The following ELP4 variants were observed in gnomAD, a reference collection of about 807,000 sequenced individuals.
The protein encoded by ELP4 is elongator acetyltransferase complex subunit 4.
In ELP4, 51 loss-of-function variants were observed where a neutral mutation model predicts 48.9. That is an observed-to-expected ratio of 1.04 (90% CI 0.83 to 1.32). The LOEUF (loss-of-function observed/expected upper bound fraction) is 1.32, where lower values mean the gene tolerates loss of function less well. Ranked by LOEUF, ELP4 falls within the 40% of genes most tolerant of loss-of-function variation. The probability of loss-of-function intolerance (pLI) is 0.00; values close to 1 mark genes in which losing one functional copy is unlikely to be tolerated. For missense variants in ELP4, 519 were observed against 514.6 expected (o/e 1.01, Z -0.08); for synonymous variants, 210 against 189.2 (o/e 1.11, Z -0.90).
At position 31,785,901 on chromosome 11, in the gene ELP4, C is replaced by T. The variant is rs1948582712; in HGVS notation, c.*2377C>T. The T allele has an allele frequency of 5.1e-6, 1 of 195,272 alleles. No individual in the cohort carries two copies. Among genetic ancestry groups the T allele is most frequent in the Admixed American group, 6.1e-5 (1 of 16,470 alleles). The allele number at this position is 195,272 out of a possible 1,614,324, so 12.1% of individuals were successfully genotyped here. The stretch of plus-strand genomic sequence containing the variant: ...ACTCAAAGATATAAATACTTAAGAA[C>T]AATGCCAAACGTAATATCTGAAATG... On this transcript the variant is annotated 3_prime_UTR_variant, in exon 10 of 10. Coordinates refer to ENST00000640961, the MANE Select transcript of ELP4 (RefSeq NM_019040.5).
intron 3 of ELP4, among the ~76,000 whole-genome samples, chr11:31,575,548 G>A (rs992244195): frequency 3.9e-5 from 6 of 152,126 alleles, no homozygotes; most frequent in Admixed American, 2.0e-4. Flanking sequence ...GAGAAAGGTC[G>A]GGTTACCCAC....
At chr11:31,688,789 G>T (rs938152857) in intron 9 of ELP4, among the ~76,000 whole-genome samples, 5 of 152,144 alleles carry the variant, frequency 3.3e-5, no homozygotes, top group Non-Finnish European at 7.4e-5. Context: ...ATAGGAAATT[G>T]TGAGAGTCCC....
intron 9 of ELP4, among the ~76,000 whole-genome samples, chr11:31,679,846 C>T (rs897122403): frequency 2.0e-5 from 3 of 152,170 alleles, no homozygotes; most frequent in East Asian, 1.9e-4. Flanking sequence ...ATTTGGATTA[C>T]GTTGAATTTA....
At chr11:31,695,443 T>C (rs551482010) in intron 9 of ELP4, among the ~76,000 whole-genome samples, 1 of 152,258 alleles carries the variant, frequency 6.6e-6, no homozygotes, top group South Asian at 2.1e-4. Context: ...TGGTTCTGTT[T>C]ATACGATGGA....
intron 3 of ELP4, among the ~76,000 whole-genome samples, chr11:31,554,084 C>T (rs1263895585): frequency 6.6e-6 from 1 of 152,234 alleles, no homozygotes; most frequent in East Asian, 1.9e-4. Flanking sequence ...AGATCTGCCA[C>T]TGTCTCCCAT....
intron 3 of ELP4, among the ~76,000 whole-genome samples, chr11:31,566,417 A>T (rs1957112685): frequency 6.6e-6 from 1 of 152,158 alleles, no homozygotes; most frequent in Admixed American, 6.6e-5. Flanking sequence ...CAAGACTTAA[A>T]AATCACACTA....
intron 9 of ELP4, among the ~76,000 whole-genome samples, chr11:31,694,595 G>A (rs1352411793): frequency 1.1e-4 from 16 of 152,198 alleles, no homozygotes; most frequent in East Asian, 5.8e-4. Context: ...GTCAGGCTGC[G>A]ATATGCCTCT....
intron 3 of ELP4, among the ~76,000 whole-genome samples, chr11:31,547,563 A>G (rs1308789296): frequency 6.6e-6 from 1 of 152,172 alleles, no homozygotes; most frequent in Non-Finnish European, 1.5e-5. Flanking sequence ...AGGTACAAGG[A>G]GGAACTGGTA....
At chr11:31,549,947 G>T (rs1174908535) in intron 3 of ELP4, among the ~76,000 whole-genome samples, 1 of 152,062 alleles carries the variant, frequency 6.6e-6, no homozygotes, top group Non-Finnish European at 1.5e-5. Flanking sequence ...GAGAACACAT[G>T]GACACAGGAA....
chr11:31,633,350 AG>A (rs1229071089), intron 7 of ELP4: 3 of 152,182 alleles, frequency 2.0e-5, no homozygotes, highest in East Asian at 3.9e-4. Flanking sequence ...GCACTTTGGG[AG>A]GCTGAGGCAG....
At chr11:31,554,158 T>C (rs763332262) in intron 3 of ELP4, among the ~76,000 whole-genome samples, 7 of 152,204 alleles carry the variant, frequency 4.6e-5, no homozygotes, top group Admixed American at 1.3e-4. Context: ...TATGGTCAGT[T>C]ATATAATTAT....
In ELP4 at chr11:31,539,681, T is replaced by A; in HGVS notation, c.279T>A (p.Ile93=). 6.2e-7 allele frequency: 1 copy of A among 1,607,574 alleles called. No homozygotes were observed. Among genetic ancestry groups the A allele is most frequent in the Non-Finnish European group, 8.5e-7 (1 of 1,177,108 alleles). ...TTACAGAGGAGGATAAATATAATAT[T>A]TACTCACCTTTGCTCTTCAAGTATT... ...VLLIEEDKYN[I]YSPLLFKYFL... Residue 93 remains isoleucine, a synonymous_variant, in exon 3 of 10, where the codon ATT becomes ATA. Transcript: ENST00000640961.
intron 2 of ELP4, among the ~76,000 whole-genome samples, chr11:31,532,394 A>T (rs1956409646): frequency 6.6e-6 from 1 of 152,222 alleles, no homozygotes; most frequent in South Asian, 2.1e-4. Context: ...TAAAGAAAAG[A>T]TCACTAAGGA....
At chr11:31,733,300 AC>A (rs1287181409) in intron 9 of ELP4, among the ~76,000 whole-genome samples, 11 of 151,946 alleles carry the variant, frequency 7.2e-5, no homozygotes, top group African/African-American at 2.4e-4. Context: ...ACATGGTGAA[AC>A]CCCATCTCTA....
At chr11:31,716,017 T>C (rs1946836105) in intron 9 of ELP4, among the ~76,000 whole-genome samples, 1 of 152,150 alleles carries the variant, frequency 6.6e-6, no homozygotes, top group African/African-American at 2.4e-5. Flanking sequence ...GAGGTTTGTT[T>C]GTTTGTTTGT....
intron 9 of ELP4, among the ~76,000 whole-genome samples, chr11:31,666,781 C>G (rs1057294963): frequency 2.1e-5 from 2 of 93,816 alleles, no homozygotes; most frequent in Non-Finnish European, 2.9e-5. Flanking sequence ...AAGTGGCTAC[C>G]TAAGAAAATT....
chr11:31,676,407 T>G (rs959475186), intron 9 of ELP4, among the ~76,000 whole-genome samples: 3 of 152,222 alleles, frequency 2.0e-5, no homozygotes, highest in African/African-American at 7.2e-5. Context: ...ATATGCTGTA[T>G]AATTTTCATA....
intron 9 of ELP4, among the ~76,000 whole-genome samples, chr11:31,713,969 C>G (rs1453982968): frequency 6.6e-6 from 1 of 151,978 alleles, no homozygotes; most frequent in African/African-American, 2.4e-5. Flanking sequence ...TATATAAGTG[C>G]TTAGAGAAGG....
intron 4 of ELP4, among the ~76,000 whole-genome samples, chr11:31,598,184 G>A (rs1157149520): frequency 6.6e-6 from 1 of 151,812 alleles, no homozygotes; most frequent in Non-Finnish European, 1.5e-5. Flanking sequence ...TTGAACTCCT[G>A]ACCTCGTGAT....
Sources: allele counts gnomAD v4.1 joint callset (sites outside exome capture counted in the v4.1 genomes callset), GRCh38; gene constraint gnomAD v4.1.1; transcripts MANE v1.5; gene names NCBI Gene and HGNC (gene_info 2026-07-23, HGNC 2026-07-21).